KREMEN1: variants seen among roughly 807,000 people sequenced by gnomAD.
The protein encoded by KREMEN1 is kremen protein 1.
A neutral mutation model predicts 46.5 loss-of-function variants in KREMEN1; 30 were observed. That is an observed-to-expected ratio of 0.65 (90% confidence interval 0.48 to 0.88). KREMEN1 has a LOEUF of 0.88. Among genes scored for constraint, KREMEN1 ranks in the 40% least tolerant of loss-of-function variants. KREMEN1 has a pLI of 0.00. For missense variants in KREMEN1, 533 were observed against 596.9 expected, an observed-to-expected ratio of 0.89 and a Z score of 1.11; for synonymous variants, 214 against 230.6, an observed-to-expected ratio of 0.93 and a Z score of 0.65.
At chr22:29,140,727 T>C (rs1021164225) in intron 8 of KREMEN1, among the ~76,000 whole-genome samples, 14 of 152,336 alleles carry the variant, frequency 9.2e-5, no homozygotes, top group African/African-American at 1.9e-4. Context: ...CTTCTAGAAA[T>C]TGAGAAACAT....
Position 29,156,251 on chromosome 22 carries a change from T to C in KREMEN1, c.1417-10793T>C, listed in dbSNP as rs563417695. Among the ~76,000 whole-genome samples the C allele has an allele frequency of 1.6e-3, 240 of 152,338 alleles. 5 individuals carry two copies. The highest frequency in any genetic ancestry group is 3.4e-3 in the Middle Eastern group (1 of 294). On this transcript the variant is annotated intron_variant, in intron 9 of 9. Coordinates refer to the KREMEN1 transcript ENST00000327813. ...CAGTGCAGGGAGTCTCCCAGAAGCT[T>C]TGGGCCAGCAGAATGCTCAGCTCCC...
chr22:29,133,075 C>T (rs1222868743), intron 5 of KREMEN1, among the ~76,000 whole-genome samples: 3 of 151,876 alleles, frequency 2.0e-5, no homozygotes, highest in South Asian at 2.1e-4. Flanking sequence ...GGTGAAACCC[C>T]GTCTCTACTA....
chr22:29,080,093 G>A (rs2037630610), intron 1 of KREMEN1, among the ~76,000 whole-genome samples: 1 of 152,168 alleles, frequency 6.6e-6, no homozygotes, highest in Admixed American at 6.5e-5. Context: ...TGTCTATGGG[G>A]AAATAAACAG....
chr22:29,130,347 T>C (rs1402915008), intron 5 of KREMEN1, among the ~76,000 whole-genome samples: 1 of 152,216 alleles, frequency 6.6e-6, no homozygotes, highest in Non-Finnish European at 1.5e-5. Flanking sequence ...GTGTTAGCAA[T>C]TGCATTTCAT....
chr22:29,076,575 G>A (rs2037574707), intron 1 of KREMEN1, among the ~76,000 whole-genome samples: 1 of 152,204 alleles, frequency 6.6e-6, no homozygotes, highest in Admixed American at 6.5e-5. Flanking sequence ...TTGAGGCCGG[G>A]CGCGGTGGCT....
At chr22:29,158,780 C>G (rs1428522300) in intron 9 of KREMEN1, among the ~76,000 whole-genome samples, 3 of 152,146 alleles carry the variant, frequency 2.0e-5, no homozygotes, top group Admixed American at 6.5e-5. Context: ...GGAAATGGGT[C>G]TGGAAGATGA....
chr22:29,137,674 G>A lies in KREMEN1; in HGVS notation c.964G>A (p.Ala322Thr). 1 of 1,583,514 alleles carries A rather than the reference G, an allele frequency of 6.3e-7. No homozygotes were observed. Among genetic ancestry groups the A allele is most frequent in the Non-Finnish European group, 8.7e-7 (1 of 1,155,688 alleles). ...CCAGGGATTTGCTGTTTTATACCAA[G>A]GTAAGACATCTTTGCCTCCTTGGGG... is the stretch of plus-strand genomic sequence containing the variant. ...QAQGFAVLYQ[A>T]VKEELPQERP... The change falls in exon 6 of 9, where the codon GCC (alanine) becomes ACC (threonine). Residue 322 changes from alanine to threonine, a missense_variant and splice_region_variant. Coordinates refer to ENST00000400335, the MANE Select transcript of KREMEN1 (RefSeq NM_001039570.3).
intron 5 of KREMEN1, among the ~76,000 whole-genome samples, chr22:29,133,260 A>AG (rs2038594754): frequency 6.8e-6 from 1 of 147,884 alleles, no homozygotes; most frequent in Admixed American, 6.6e-5. Flanking sequence ...AAAAAAAAAA[A>AG]AGAAAAAAGA....
At chr22:29,082,909 T>G (rs559987442) in intron 1 of KREMEN1, among the ~76,000 whole-genome samples, 1 of 152,320 alleles carries the variant, frequency 6.6e-6, no homozygotes, top group African/African-American at 2.4e-5. Context: ...AAGTTTCAGC[T>G]TTAAAATATC....
At chr22:29,124,533 C>A (rs747910675) in intron 4 of KREMEN1, among the ~76,000 whole-genome samples, 36 of 151,362 alleles carry the variant, frequency 2.4e-4, no homozygotes, top group Non-Finnish European at 3.7e-4. Context: ...CACTGTGTTG[C>A]CCAGGCTGCA....
At chr22:29,111,610 T>C in intron 3 of KREMEN1, 1 of 71,260 alleles carries the variant, frequency 1.4e-5, no homozygotes, top group Non-Finnish European at 2.4e-5. Context: ...CGAGACTCCG[T>C]CTCAAAAAAA....
chr22:29,137,765 G>C (rs1370832435), intron 6 of KREMEN1, 91 bp downstream of exon 6: 7 of 1,015,766 alleles, frequency 6.9e-6, no homozygotes, highest in African/African-American at 1.6e-5. Context: ...AGTTCTTGCG[G>C]GGCAGATTGG....
chr22:29,091,404 C>T (rs919280558), intron 1 of KREMEN1, among the ~76,000 whole-genome samples: 1 of 152,190 alleles, frequency 6.6e-6, no homozygotes, highest in African/African-American at 2.4e-5. Flanking sequence ...TATTGAGCTG[C>T]ATCTCTGATT....
intron 3 of KREMEN1, among the ~76,000 whole-genome samples, chr22:29,115,309 T>C (rs568896459): frequency 7.9e-5 from 12 of 152,198 alleles, no homozygotes; most frequent in South Asian, 2.1e-4. Context: ...GGGTGAGGGA[T>C]AAAAGACTAC....
downstream of KREMEN1, among the ~76,000 whole-genome samples, chr22:29,148,274 TG>T (rs1219316786): frequency 6.6e-6 from 1 of 151,912 alleles, no homozygotes; most frequent in African/African-American, 2.4e-5. Context: ...CAAGGAAACA[TG>T]GGCAAAGGTG....
At chr22:29,097,942 G>A (rs185193817) in intron 2 of KREMEN1, among the ~76,000 whole-genome samples, 6 of 152,124 alleles carry the variant, frequency 3.9e-5, no homozygotes, top group African/African-American at 1.4e-4. Context: ...AGCACTTTGC[G>A]GGGCCGAGAT....
chr22:29,153,988 G>T (rs1356234626), intron 9 of KREMEN1, among the ~76,000 whole-genome samples: 1 of 147,830 alleles, frequency 6.8e-6, no homozygotes, highest in Non-Finnish European at 1.5e-5. Flanking sequence ...AAAAAAGAAA[G>T]AAAAGAGATA....
intron 3 of KREMEN1, among the ~76,000 whole-genome samples, chr22:29,113,302 G>A (rs1410110547): frequency 6.6e-6 from 1 of 152,196 alleles, no homozygotes; most frequent in East Asian, 1.9e-4. Context: ...CTTCCTGTGA[G>A]CTGACTTATG....
At chr22:29,162,284 C>A (rs1157868411) in intron 9 of KREMEN1, among the ~76,000 whole-genome samples, 1 of 152,138 alleles carries the variant, frequency 6.6e-6, no homozygotes, top group Non-Finnish European at 1.5e-5. Context: ...TAAACTCCAA[C>A]ATCCTTTCGT....
Sources: allele counts gnomAD v4.1 joint callset (sites outside exome capture counted in the v4.1 genomes callset), GRCh38; gene constraint gnomAD v4.1.1; transcripts MANE v1.5; gene names NCBI Gene and HGNC (gene_info 2026-07-23, HGNC 2026-07-21).